The following POFUT3 variants were observed in gnomAD, a reference collection of about 807,000 sequenced individuals.
POFUT3 encodes the protein GDP-fucose protein O-fucosyltransferase 3.
the POFUT3 span, among the ~76,000 whole-genome samples, chr8:33,318,315 G>C: frequency 6.6e-5 from 10 of 150,996 alleles, 1 homozygote; most frequent in African/African-American, 1.9e-4. Flanking sequence ...GTGCTTAAAA[G>C]CTCAGGCTAG....
At chr8:33,438,953 A>G in the POFUT3 span, among the ~76,000 whole-genome samples, 3 of 75,008 alleles carry the variant, frequency 4.0e-5, no homozygotes, top group African/African-American at 1.1e-4. Flanking sequence ...TATGGGAGCT[A>G]CAATTCAAGA....
chr8:33,460,839 G>A, the POFUT3 span: 7 of 631,338 alleles, frequency 1.1e-5, no homozygotes, highest in Non-Finnish European at 1.4e-5. Flanking sequence ...TTACTGGGAG[G>A]TATTTTCTCC....
chr8:33,336,109 G>A, the POFUT3 span, among the ~76,000 whole-genome samples: 2 of 152,168 alleles, frequency 1.3e-5, no homozygotes, highest in Admixed American at 6.5e-5. Context: ...TTACAGACAC[G>A]ACACAATTTT....
the POFUT3 span, chr8:33,372,600 A>G: frequency 1.4e-5 from 22 of 1,613,790 alleles, no homozygotes; most frequent in Admixed American, 1.7e-5. Flanking sequence ...ACTAGGCCCC[A>G]AAACTCTTGA....
chr8:33,412,208 G>C, the POFUT3 span, among the ~76,000 whole-genome samples: 1 of 152,280 alleles, frequency 6.6e-6, no homozygotes, highest in African/African-American at 2.4e-5. Flanking sequence ...ACATGATCAA[G>C]TTAGTTGTTT....
the POFUT3 span, chr8:33,388,828 T>C: frequency 9.3e-5 from 68 of 732,418 alleles, 1 homozygote; most frequent in Non-Finnish European, 3.5e-5. Context: ...ATATTCAACC[T>C]TCCTGCAAAG....
At chr8:33,452,515 C>T in the POFUT3 span, 1 of 152,000 alleles carries the variant, frequency 6.6e-6, no homozygotes, top group Admixed American at 6.6e-5. Flanking sequence ...TATGAATTCA[C>T]ATTTACTAGA....
chr8:33,414,088 T>A, the POFUT3 span, among the ~76,000 whole-genome samples: 1 of 152,114 alleles, frequency 6.6e-6, no homozygotes, highest in South Asian at 2.1e-4. Context: ...GGAAACTTAT[T>A]TCCAAAAGAA....
chr8:33,372,720 T>C, the POFUT3 span: 2 of 1,613,938 alleles, frequency 1.2e-6, no homozygotes, highest in East Asian at 2.2e-5. Flanking sequence ...AAAGGTGGAG[T>C]CCGGAGTGGT....
the POFUT3 span, among the ~76,000 whole-genome samples, chr8:33,465,758 G>T: frequency 6.6e-6 from 1 of 152,182 alleles, no homozygotes; most frequent in Non-Finnish European, 1.5e-5. Context: ...TTACAGGTAT[G>T]AGCCACTGCA....
chr8:33,328,003 T>C, the POFUT3 span, among the ~76,000 whole-genome samples: 4 of 152,340 alleles, frequency 2.6e-5, no homozygotes, highest in African/African-American at 9.6e-5. Flanking sequence ...AATAGGGCAT[T>C]CTTAACTGCC....
At chr8:33,379,390 CA>C in the POFUT3 span, among the ~76,000 whole-genome samples, 42,969 of 133,020 alleles carry the variant, frequency 0.32, 6,991 homozygotes, top group East Asian at 0.58. Context: ...GTCCAGGAAT[CA>C]AAAAAAAAAA....
chr8:33,368,761 A>G, the POFUT3 span, among the ~76,000 whole-genome samples: 4 of 152,228 alleles, frequency 2.6e-5, no homozygotes, highest in Non-Finnish European at 4.4e-5. Flanking sequence ...TATACAATCA[A>G]TCAGTGTACT....
chr8:33,318,155 C>G, the POFUT3 span, among the ~76,000 whole-genome samples: 1 of 151,896 alleles, frequency 6.6e-6, no homozygotes, highest in Admixed American at 6.6e-5. Flanking sequence ...TATCTGAGTC[C>G]ACATGTAAGA....
At chr8:33,453,253 G>T in the POFUT3 span, 47 of 1,614,106 alleles carry the variant, frequency 2.9e-5, 1 homozygote, top group Admixed American at 1.3e-4. Context: ...GATGATGGAG[G>T]TAGGTCCGGT....
At chr8:33,372,832 T>A in the POFUT3 span, 1 of 1,594,686 alleles carries the variant, frequency 6.3e-7, no homozygotes, top group Non-Finnish European at 8.6e-7. Context: ...AGAAATGAAT[T>A]AAAAACATAT....
the POFUT3 span, among the ~76,000 whole-genome samples, chr8:33,337,608 A>G: frequency 1.3e-5 from 2 of 150,864 alleles, no homozygotes; most frequent in Non-Finnish European, 2.9e-5. Context: ...ACCAGAAATG[A>G]AAGAGGGGAC....
At chr8:33,381,318 C>T in the POFUT3 span, among the ~76,000 whole-genome samples, 3 of 152,018 alleles carry the variant, frequency 2.0e-5, no homozygotes, top group African/African-American at 7.3e-5. Flanking sequence ...GTACTAAATC[C>T]TTTTTTCCTA....
the POFUT3 span, chr8:33,461,362 T>C: frequency 4.4e-6 from 7 of 1,602,506 alleles, no homozygotes; most frequent in South Asian, 7.8e-5. Context: ...ACAACCCACA[T>C]TCTTGGTACC....
Sources: gnomAD v4.1 joint callset for allele counts (sites outside exome capture counted in the v4.1 genomes callset) on GRCh38, gnomAD v4.1.1 for gene constraint, MANE v1.5 for transcripts, NCBI Gene and HGNC (gene_info 2026-07-23, HGNC 2026-07-21) for gene names.